Variants in SHANK2 observed in about 807,000 individuals in gnomAD.
SHANK2 encodes the protein SH3 and multiple ankyrin repeat domains 2, also known as SH3 and multiple ankyrin repeat domains protein 2.
In SHANK2, 43 loss-of-function variants were observed where a neutral mutation model predicts 133.7. The observed-to-expected ratio is 0.32, with a 90% CI of 0.25 to 0.41. The LOEUF is 0.41. SHANK2 is among the 10% of genes least tolerant of loss of function. SHANK2 has a pLI of 1.00. For missense variants in SHANK2, 1,994 were observed against 2,235.8 expected (o/e 0.89, Z 2.18); for synonymous variants, 1,017 against 952.8 (o/e 1.07, Z -1.24).
At chr11:70,682,071 G>A (rs375720818) in intron 15 of SHANK2, among the ~76,000 whole-genome samples, 1 of 152,134 alleles carries the variant, frequency 6.6e-6, no homozygotes, top group African/African-American at 2.4e-5. Context: ...GCCCAAACCT[G>A]CTGGAGGGTG....
intron 17 of SHANK2, among the ~76,000 whole-genome samples, chr11:70,610,631 G>C (rs1554993907): frequency 1.3e-5 from 2 of 152,222 alleles, no homozygotes; most frequent in Non-Finnish European, 1.5e-5. Flanking sequence ...TTATATTAAT[G>C]AAAGCCAGCC....
chr11:71,061,747 C>T (rs1454799593), intron 9 of SHANK2, among the ~76,000 whole-genome samples: 3 of 152,126 alleles, frequency 2.0e-5, no homozygotes, highest in African/African-American at 7.2e-5. Flanking sequence ...CTGCAGGTGA[C>T]CGGCATTTCA....
chr11:70,948,748 T>C (rs920592248), intron 10 of SHANK2, among the ~76,000 whole-genome samples: 2 of 152,232 alleles, frequency 1.3e-5, no homozygotes, highest in African/African-American at 2.4e-5. Context: ...CCCTGCCGAA[T>C]GTCCACATGC....
At chr11:70,922,838 G>A (rs981966057) in intron 10 of SHANK2, among the ~76,000 whole-genome samples, 1 of 152,092 alleles carries the variant, frequency 6.6e-6, no homozygotes, top group Non-Finnish European at 1.5e-5. Context: ...CCACAGCTAG[G>A]AGATGCAGGG....
intron 10 of SHANK2, among the ~76,000 whole-genome samples, chr11:70,903,722 G>T (rs1431950468): frequency 1.3e-5 from 2 of 152,194 alleles, no homozygotes; most frequent in Non-Finnish European, 2.9e-5. Flanking sequence ...AAGCCCTGTT[G>T]TCTCTTCTGC....
Position 70,500,870 on chromosome 11 carries a change from T to C in SHANK2, c.2288-280A>G, listed in dbSNP as rs1220588018. On this transcript the variant is annotated intron_variant, in intron 20 of 25. Coordinates refer to ENST00000601538, the MANE Select transcript of SHANK2 (RefSeq NM_012309.5). The surrounding 1 kb of genome is among the most constrained non-coding windows in gnomAD (Gnocchi z 4.5). ...GCTTTCCTTCTTCCTCAGCACCCCT[T>C]GTCCCACCAGCACCCTGCCAAAGTA... 2.9e-6 allele frequency: 2 copies of C among 680,008 alleles called. No individual in the cohort carries two copies. Among genetic ancestry groups the C allele is most frequent in the South Asian group, 1.5e-5 (1 of 65,176 alleles). 42.1% of individuals were successfully genotyped at this position (680,008 alleles called of 1,614,324 possible).
chr11:70,743,999 C>T (rs961337179), intron 14 of SHANK2, among the ~76,000 whole-genome samples: 5 of 152,190 alleles, frequency 3.3e-5, no homozygotes, highest in African/African-American at 1.2e-4. Context: ...AGCCCTCAGC[C>T]CCACACCTGG....
chr11:70,724,554 G>C (rs910649545), intron 14 of SHANK2, among the ~76,000 whole-genome samples: 10 of 152,140 alleles, frequency 6.6e-5, no homozygotes, highest in Non-Finnish European at 1.5e-4. Context: ...CTCCTCCTTT[G>C]ATCTCATCAA....
rs141960453 is a variant in SHANK2 at position 70,659,867 on chromosome 11, C to T, written c.2022G>A (p.Ala674=). ...YLESVDEGGV[A]WQAGLRTGDF... ...CCCCGGTCCTTAGTCCGGCTTGCCA[C>T]GCCACCCCACCTTCATCCACGGACT... is the stretch of plus-strand genomic sequence containing the variant. Residue 674 remains alanine (A), a synonymous_variant, in exon 17 of 26, where the codon GCG becomes GCA. Coordinates refer to ENST00000601538, the MANE Select transcript of SHANK2 (RefSeq NM_012309.5). 154 of 1,614,058 alleles carry T rather than the reference C, an allele frequency of 9.5e-5. 1 individual carries two copies. Among genetic ancestry groups the T allele is most frequent in the South Asian group, 4.3e-4 (39 of 91,084 alleles).
intron 15 of SHANK2, chr11:70,667,767 C>A (rs1262772017): frequency 1.3e-5 from 2 of 152,222 alleles, no homozygotes; most frequent in Non-Finnish European, 2.9e-5. Context: ...GCCTGAGGGG[C>A]TCTGGGTGGC....
chr11:71,121,532 G>A (rs1590932673), intron 3 of SHANK2, among the ~76,000 whole-genome samples: 1 of 152,298 alleles, frequency 6.6e-6, no homozygotes. Context: ...TCACTCTGAT[G>A]GTAGTTTCTT....
At chr11:71,118,781 C>A in intron 4 of SHANK2, 48 bp downstream of exon 4, 2 of 1,453,812 alleles carry the variant, frequency 1.4e-6, no homozygotes, top group Non-Finnish European at 1.8e-6. Flanking sequence ...ACCATGGCAT[C>A]CAGGCTGTGA....
intron 17 of SHANK2, among the ~76,000 whole-genome samples, chr11:70,655,320 T>C (rs1289421577): frequency 6.6e-6 from 1 of 152,248 alleles, no homozygotes; most frequent in East Asian, 1.9e-4. Flanking sequence ...CACATCAAAG[T>C]GTTGTTCAGG....
chr11:70,484,736 G>GC (rs1296720697), intron 25 of SHANK2, among the ~76,000 whole-genome samples: 1 of 152,174 alleles, frequency 6.6e-6, no homozygotes, highest in Non-Finnish European at 1.5e-5. Context: ...AGAGGCTTCT[G>GC]CCCCTGGGAC....
chr11:70,850,064 T>C (rs1052812459), intron 11 of SHANK2, among the ~76,000 whole-genome samples: 1 of 152,134 alleles, frequency 6.6e-6, no homozygotes, highest in African/African-American at 2.4e-5. Context: ...ATCTGACGAC[T>C]CTAGGGACCT....
chr11:70,814,685 G>A (rs543200050), intron 12 of SHANK2, among the ~76,000 whole-genome samples: 9 of 152,352 alleles, frequency 5.9e-5, no homozygotes, highest in African/African-American at 2.2e-4. Context: ...GTGGCCAGGT[G>A]GGTGCCGCTC....
intron 17 of SHANK2, among the ~76,000 whole-genome samples, chr11:70,538,490 C>T (rs1161952753): frequency 6.6e-6 from 1 of 152,236 alleles, no homozygotes; most frequent in Non-Finnish European, 1.5e-5. Context: ...TCTGGGGATG[C>T]GTCCTCCCCT....
At chr11:70,911,139 G>A (rs1461742381) in intron 10 of SHANK2, 4 of 456,572 alleles carry the variant, frequency 8.8e-6, no homozygotes, top group Non-Finnish European at 1.8e-5. Context: ...TTTTTGTACT[G>A]TTTTAATTCA....
rs199941285 is a variant in SHANK2, at chr11:70,898,282, G to A, written c.1108-1715C>T. ...TGCCTGGCCAAATATATACACACAC[G>A]CACACACACACACACACACACACAC... On this transcript the variant is annotated intron_variant, in intron 10 of 25. Transcript: ENST00000601538. 1.8e-3 allele frequency among the ~76,000 whole-genome samples: 238 copies of A among 135,422 alleles called. 1 individual carries two copies. Among genetic ancestry groups the A allele is most frequent in the Middle Eastern group, 7.5e-3 (2 of 268 alleles). 88.8% of individuals were successfully genotyped at this position (135,422 alleles called of 152,430 possible).
Sources: gnomAD v4.1 joint callset for allele counts (sites outside exome capture counted in the v4.1 genomes callset) on GRCh38, gnomAD v4.1.1 for gene constraint, Gnocchi (gnomAD v3.1) non-coding constraint, MANE v1.5 for transcripts, NCBI Gene and HGNC (gene_info 2026-07-23, HGNC 2026-07-21) for gene names.